PRKN: variants seen among roughly 807,000 people sequenced by gnomAD.
PRKN encodes the protein parkin RBR E3 ubiquitin protein ligase, also known as E3 ubiquitin-protein ligase parkin.
In PRKN, 56 loss-of-function variants were observed where a neutral mutation model predicts 59.5. The observed-to-expected ratio is 0.94, with a 90% CI of 0.76 to 1.18. The LOEUF (loss-of-function observed/expected upper bound fraction) is 1.18, where lower values mean the gene tolerates loss of function less well. PRKN is among the 50% of genes most tolerant of loss of function. The pLI, the probability that PRKN is intolerant of heterozygous loss-of-function variation, is 0.00. For synonymous variants in PRKN, 250 were observed against 222.1 expected (o/e 1.13, Z -1.12); for missense variants, 657 against 596.4 (o/e 1.10, Z -1.06).
At chr6:161,595,784 T>C (rs2128141988) in intron 7 of PRKN, among the ~76,000 whole-genome samples, 1 of 152,326 alleles carries the variant, frequency 6.6e-6, no homozygotes, top group East Asian at 1.9e-4. Flanking sequence ...GTTGATCACC[T>C]TTATGGCAAT....
intron 10 of PRKN, among the ~76,000 whole-genome samples, chr6:161,384,612 C>T (rs1434371812): frequency 1.3e-5 from 2 of 152,212 alleles, no homozygotes; most frequent in Non-Finnish European, 2.9e-5. Context: ...TATTAAATGT[C>T]TGTGCAGCAG....
chr6:161,701,222 T>C (rs748426044), intron 7 of PRKN, among the ~76,000 whole-genome samples: 3 of 152,212 alleles, frequency 2.0e-5, no homozygotes, highest in Non-Finnish European at 2.9e-5. Context: ...TTCCTTGGGT[T>C]AAACAGGAGC....
chr6:161,884,054 T>A (rs1311092091), intron 6 of PRKN, among the ~76,000 whole-genome samples: 1 of 152,222 alleles, frequency 6.6e-6, no homozygotes, highest in Non-Finnish European at 1.5e-5. Context: ...ACATTAAACA[T>A]AACATGAAAC....
intron 2 of PRKN, among the ~76,000 whole-genome samples, chr6:162,374,672 C>T (rs1379180078): frequency 6.6e-6 from 1 of 151,878 alleles, no homozygotes; most frequent in Non-Finnish European, 1.5e-5. Context: ...TTATATGTTA[C>T]AGTGACTTGT....
intron 2 of PRKN, among the ~76,000 whole-genome samples, chr6:162,421,284 C>T (rs1788948798): frequency 8.8e-6 from 1 of 113,588 alleles, no homozygotes; most frequent in South Asian, 3.0e-4. Flanking sequence ...ACATTATTAC[C>T]CTCACAGCGC....
intron 1 of PRKN, among the ~76,000 whole-genome samples, chr6:162,637,605 G>A (rs1777778720): frequency 6.6e-6 from 1 of 152,050 alleles, no homozygotes; most frequent in Admixed American, 6.6e-5. Flanking sequence ...TTGAAATCAG[G>A]AAGAAGTAAA....
At chr6:162,194,624 A>T (rs1295600643) in intron 4 of PRKN, among the ~76,000 whole-genome samples, 1 of 152,124 alleles carries the variant, frequency 6.6e-6, no homozygotes, top group Non-Finnish European at 1.5e-5. Flanking sequence ...CTAAATGTAA[A>T]CTATCAAGAA....
At chr6:161,700,015 G>A (rs911862901) in intron 7 of PRKN, among the ~76,000 whole-genome samples, 1 of 151,786 alleles carries the variant, frequency 6.6e-6, no homozygotes, top group Non-Finnish European at 1.5e-5. Flanking sequence ...AATCTTCCTT[G>A]ACCTGCTTTG....
chr6:161,752,588 G>A (rs940803897), intron 7 of PRKN, among the ~76,000 whole-genome samples: 2 of 152,106 alleles, frequency 1.3e-5, no homozygotes, highest in Non-Finnish European at 2.9e-5. Flanking sequence ...AGATACTCAG[G>A]AGGCTGAGGT....
At chr6:162,718,951 TACACAC>T (rs372374438) in intron 1 of PRKN, among the ~76,000 whole-genome samples, 1 of 150,586 alleles carries the variant, frequency 6.6e-6, no homozygotes, top group Admixed American at 6.6e-5. Flanking sequence ...CACACACACA[TACACAC>T]ACACACACAC....
chr6:162,129,871 G>T (rs1781275919), intron 4 of PRKN, among the ~76,000 whole-genome samples: 1 of 152,010 alleles, frequency 6.6e-6, no homozygotes, highest in African/African-American at 2.4e-5. Flanking sequence ...TTCCCCTGTA[G>T]AGTGTTTACA....
chr6:162,567,059 C>A (rs1780112695), intron 1 of PRKN, among the ~76,000 whole-genome samples: 1 of 152,136 alleles, frequency 6.6e-6, no homozygotes, highest in South Asian at 2.1e-4. Flanking sequence ...TAAAATTCAA[C>A]ATCCTTCATG....
rs751885300 is a variant in PRKN, at chr6:161,391,365, T to A, written c.1084-4488A>T. 1.3e-5 allele frequency among the ~76,000 whole-genome samples: 2 copies of A among 152,038 alleles called. No individual in the cohort carries two copies. The highest frequency in any genetic ancestry group is 2.9e-5 in the Non-Finnish European group (2 of 68,006). Reference sequence around the variant, plus strand: ...ACCAGGAAACATGGAGTCCTGTTTATACCGTATACATTTTCAGGATTGTCT... The same window carrying A: ...ACCAGGAAACATGGAGTCCTGTTTAAACCGTATACATTTTCAGGATTGTCT... On this transcript the variant is annotated intron_variant, in intron 9 of 11. Coordinates refer to ENST00000366898, the MANE Select transcript of PRKN (RefSeq NM_004562.3). The surrounding 1 kb of genome is among the most constrained non-coding windows in gnomAD (Gnocchi z 4.9).
chr6:161,591,748 C>A (rs1180326932), intron 7 of PRKN, among the ~76,000 whole-genome samples: 4 of 152,158 alleles, frequency 2.6e-5, no homozygotes, highest in South Asian at 2.1e-4. Context: ...TCCAATAATT[C>A]TGTACAGCCT....
At chr6:162,607,797 T>C (rs1781985870) in intron 1 of PRKN, among the ~76,000 whole-genome samples, 2 of 152,098 alleles carry the variant, frequency 1.3e-5, no homozygotes, top group Non-Finnish European at 2.9e-5. Flanking sequence ...ATATGTTACT[T>C]TTCATTTCCC....
intron 3 of PRKN, 35 bp downstream of exon 3, chr6:162,262,490 A>G (rs1342567065): frequency 6.2e-7 from 1 of 1,613,490 alleles, no homozygotes; most frequent in Non-Finnish European, 8.5e-7. Flanking sequence ...ACAAACAAAC[A>G]AAATGCTTTA....
intron 4 of PRKN, among the ~76,000 whole-genome samples, chr6:162,058,238 T>C (rs1777944686): frequency 6.6e-6 from 1 of 152,218 alleles, no homozygotes; most frequent in Non-Finnish European, 1.5e-5. Context: ...CCTTTCCTCA[T>C]CTAATTTAAT....
intron 9 of PRKN, among the ~76,000 whole-genome samples, chr6:161,534,382 C>T (rs1358962055): frequency 1.3e-5 from 2 of 152,140 alleles, no homozygotes; most frequent in East Asian, 3.9e-4. Context: ...ATTGATACAA[C>T]GATGAGTGTG....
chr6:161,945,118 A>G (rs991856273), intron 6 of PRKN, among the ~76,000 whole-genome samples: 16 of 151,958 alleles, frequency 1.1e-4, no homozygotes, highest in Non-Finnish European at 2.2e-4. Flanking sequence ...TTTTTAAAAA[A>G]AAGCTGGATG....
Sources: gnomAD v4.1 joint callset for allele counts (sites outside exome capture counted in the v4.1 genomes callset) on GRCh38, gnomAD v4.1.1 for gene constraint, Gnocchi (gnomAD v3.1) non-coding constraint, MANE v1.5 for transcripts, NCBI Gene and HGNC (gene_info 2026-07-23, HGNC 2026-07-21) for gene names.